MACROD2: variants seen among roughly 807,000 people sequenced by gnomAD.
MACROD2 encodes the protein mono-ADP ribosylhydrolase 2, also known as ADP-ribose glycohydrolase MACROD2.
MACROD2 carries 36 observed loss-of-function variants against 70.4 expected under a neutral mutation model. The ratio of observed to expected loss-of-function variants is 0.51; its 90% CI spans 0.39 to 0.68. The LOEUF is 0.68. Ranked by LOEUF, MACROD2 falls within the 30% of genes least tolerant of loss-of-function variation. MACROD2 has a pLI of 0.00. For missense variants in MACROD2, 496 were observed against 538.4 expected (o/e 0.92, Z 0.78); for synonymous variants, 172 against 178.8 (o/e 0.96, Z 0.30).
intron 6 of MACROD2, among the ~76,000 whole-genome samples, chr20:15,429,047 A>G (rs770592218): frequency 6.6e-6 from 1 of 152,164 alleles, no homozygotes; most frequent in African/African-American, 2.4e-5. Context: ...AAATATGGGG[A>G]TGAATCTGAA....
intron 5 of MACROD2, among the ~76,000 whole-genome samples, chr20:15,206,142 T>A (rs925715780): frequency 1.3e-5 from 2 of 152,178 alleles, no homozygotes; most frequent in Non-Finnish European, 2.9e-5. Flanking sequence ...GGTTCTTTTT[T>A]AAAAAAACTT....
chr20:15,084,672 A>G (rs2075733338), intron 5 of MACROD2, among the ~76,000 whole-genome samples: 1 of 152,180 alleles, frequency 6.6e-6, no homozygotes, highest in Non-Finnish European at 1.5e-5. Flanking sequence ...CTGTTACTGT[A>G]TTATGAATAA....
At chr20:14,163,923 G>A (rs931127554) in intron 3 of MACROD2, among the ~76,000 whole-genome samples, 2 of 151,528 alleles carry the variant, frequency 1.3e-5, no homozygotes, top group Non-Finnish European at 2.9e-5. Flanking sequence ...TACATATTTT[G>A]AATTATTTTT....
At chr20:15,517,733 A>G (rs1465182886) in intron 8 of MACROD2, among the ~76,000 whole-genome samples, 1 of 152,244 alleles carries the variant, frequency 6.6e-6, no homozygotes, top group Non-Finnish European at 1.5e-5. Context: ...ACTGACAGCA[A>G]TGGGCCCCTT....
At chr20:15,006,350 G>A (rs1026899973) in intron 5 of MACROD2, among the ~76,000 whole-genome samples, 6 of 151,956 alleles carry the variant, frequency 3.9e-5, no homozygotes, top group East Asian at 3.9e-4. Context: ...TGGGGTTGGG[G>A]CAGGGGAACG....
chr20:15,256,670 T>G (rs1260814115), intron 6 of MACROD2, among the ~76,000 whole-genome samples: 1 of 152,056 alleles, frequency 6.6e-6, no homozygotes, highest in Non-Finnish European at 1.5e-5. Context: ...AAATCCTTTC[T>G]AAGAACTATG....
intron 5 of MACROD2, among the ~76,000 whole-genome samples, chr20:14,908,146 C>G (rs554340535): frequency 6.6e-6 from 1 of 152,002 alleles, no homozygotes; most frequent in African/African-American, 2.4e-5. Flanking sequence ...GAATTCGAGA[C>G]CAGTCTGGCC....
In MACROD2 at chr20:14,326,238, A is replaced by G. The variant is rs780680761; in HGVS notation, c.272-167241A>G. 1.2e-6 allele frequency: 2 copies of G among 1,613,896 alleles called. No individual in the cohort carries two copies. Among genetic ancestry groups the G allele is most frequent in the South Asian group, 1.1e-5 (1 of 91,082 alleles). ...GTAGAGCAAGTTTCCAAGAGATATG[A>G]ATGGTATCAGAGGTGACAGACTTCA... On this transcript the variant is annotated intron_variant, in intron 3 of 17. Transcript: ENST00000684519. The surrounding 1 kb of genome is among the most constrained non-coding windows in gnomAD (Gnocchi z 5.5).
intron 8 of MACROD2, among the ~76,000 whole-genome samples, chr20:15,716,823 T>C (rs1303122823): frequency 6.6e-6 from 1 of 152,072 alleles, no homozygotes; most frequent in Non-Finnish European, 1.5e-5. Flanking sequence ...CTTTACATGA[T>C]TAGGAAAGGC....
chr20:14,196,566 T>C (rs1203190657), intron 3 of MACROD2, among the ~76,000 whole-genome samples: 2 of 152,234 alleles, frequency 1.3e-5, no homozygotes, highest in Non-Finnish European at 2.9e-5. Flanking sequence ...TAGTTTGAAC[T>C]CTTGATTATA....
intron 12 of MACROD2, among the ~76,000 whole-genome samples, chr20:15,956,492 T>C (rs993600515): frequency 1.3e-5 from 2 of 152,204 alleles, no homozygotes; most frequent in African/African-American, 2.4e-5. Context: ...TAGAGGCTGC[T>C]CTCTCTGTAG....
At chr20:14,115,420 C>T (rs1354926958) in intron 3 of MACROD2, among the ~76,000 whole-genome samples, 1 of 152,040 alleles carries the variant, frequency 6.6e-6, no homozygotes, top group Non-Finnish European at 1.5e-5. Flanking sequence ...CAGTAAAACC[C>T]CCACCATGCT....
intron 3 of MACROD2, among the ~76,000 whole-genome samples, chr20:14,313,964 G>A (rs2122526349): frequency 6.6e-6 from 1 of 152,292 alleles, no homozygotes; most frequent in Middle Eastern, 3.4e-3. Context: ...CCCAATAAAA[G>A]TGATTCTAAT....
intron 3 of MACROD2, chr20:14,325,295 A>G (rs2082715686): frequency 6.6e-6 from 2 of 304,548 alleles, no homozygotes; most frequent in Admixed American, 9.3e-5. Context: ...AATATTTGCA[A>G]GGAAAATACA....
At chr20:15,461,915 T>G (rs1265960536) in intron 7 of MACROD2, among the ~76,000 whole-genome samples, 3 of 152,178 alleles carry the variant, frequency 2.0e-5, no homozygotes, top group Non-Finnish European at 4.4e-5. Context: ...GTAGACTTCT[T>G]TGTGTAAATT....
intron 3 of MACROD2, among the ~76,000 whole-genome samples, chr20:14,256,393 C>T (rs1265959733): frequency 6.6e-6 from 1 of 151,928 alleles, no homozygotes. Flanking sequence ...TAGTATTTTT[C>T]TCTTAGTTTT....
chr20:14,072,768 A>G (rs2053864114), intron 2 of MACROD2, among the ~76,000 whole-genome samples: 2 of 152,020 alleles, frequency 1.3e-5, no homozygotes, highest in Non-Finnish European at 2.9e-5. Flanking sequence ...CCCTGTCTCT[A>G]CTAAAAATAC....
chr20:14,276,695 T>G (rs2082261053), intron 3 of MACROD2, among the ~76,000 whole-genome samples: 1 of 152,156 alleles, frequency 6.6e-6, no homozygotes, highest in South Asian at 2.1e-4. Flanking sequence ...TACTGCATTT[T>G]GACACTATTG....
chr20:15,550,331 TAAG>T (rs2048079028), intron 8 of MACROD2, among the ~76,000 whole-genome samples: 2 of 150,358 alleles, frequency 1.3e-5, no homozygotes, highest in African/African-American at 2.4e-5. Context: ...ATATTTAAAA[TAAG>T]AAATATTTAT....
Sources: allele counts gnomAD v4.1 joint callset (sites outside exome capture counted in the v4.1 genomes callset), GRCh38; gene constraint gnomAD v4.1.1; non-coding constraint Gnocchi (gnomAD v3.1); transcripts MANE v1.5; gene names NCBI Gene and HGNC (gene_info 2026-07-23, HGNC 2026-07-21).